The following SNX7 variants were observed in gnomAD, a reference collection of about 807,000 sequenced individuals.
SNX7 encodes the protein sorting nexin-7.
In SNX7, 35 loss-of-function variants were observed where a neutral mutation model predicts 48.4. That is an observed-to-expected ratio of 0.72 (90% CI 0.55 to 0.96). SNX7 has a LOEUF of 0.96. Among genes scored for constraint, SNX7 ranks in the 40% least tolerant of loss-of-function variants. The pLI is 0.00. For synonymous variants in SNX7, 190 were observed against 190.2 expected (o/e 1.00, Z 0.01); for missense variants, 553 against 548.9 (o/e 1.01, Z -0.07).
chr1:98,741,665 A>G (rs1247492115), intron 8 of SNX7, among the ~76,000 whole-genome samples: 1 of 152,174 alleles, frequency 6.6e-6, no homozygotes, highest in African/African-American at 2.4e-5. Context: ...TACCCAAATA[A>G]TGAAAGAAAA....
chr1:98,708,130 C>G (rs1266318141), intron 7 of SNX7, among the ~76,000 whole-genome samples: 1 of 152,042 alleles, frequency 6.6e-6, no homozygotes, highest in East Asian at 1.9e-4. Context: ...TTTCTATATG[C>G]CTCATTTCCT....
At chr1:98,756,863 G>A (rs559882070) in intron 8 of SNX7, among the ~76,000 whole-genome samples, 7 of 152,066 alleles carry the variant, frequency 4.6e-5, no homozygotes, top group South Asian at 2.1e-4. Context: ...TTAGATATTC[G>A]TCCCCACCCA....
chr1:98,683,304 A>G (rs568572808), intron 1 of SNX7, among the ~76,000 whole-genome samples: 1 of 152,264 alleles, frequency 6.6e-6, no homozygotes, highest in African/African-American at 2.4e-5. Context: ...GCTTTGATGT[A>G]GGGTGGTTAT....
intron 8 of SNX7, among the ~76,000 whole-genome samples, chr1:98,756,964 G>A (rs1350120244): frequency 6.6e-6 from 1 of 152,006 alleles, no homozygotes; most frequent in Non-Finnish European, 1.5e-5. Flanking sequence ...TGTATGTCTT[G>A]GACCATCCCT....
chr1:98,723,791 G>GCT (rs2101011202), intron 7 of SNX7, among the ~76,000 whole-genome samples: 1 of 32,416 alleles, frequency 3.1e-5, no homozygotes, highest in Admixed American at 3.3e-4. Context: ...ATCCCGGGAG[G>GCT]CAGAGGTTGC....
chr1:98,713,174 G>C (rs754940332), intron 7 of SNX7, among the ~76,000 whole-genome samples: 14 of 151,184 alleles, frequency 9.3e-5, no homozygotes, highest in Middle Eastern at 3.4e-3. Flanking sequence ...ATCATAGTTA[G>C]ATCTTCTGGA....
chr1:98,674,333 A>T (rs140392833), intron 1 of SNX7, among the ~76,000 whole-genome samples: 2 of 152,280 alleles, frequency 1.3e-5, no homozygotes, highest in African/African-American at 2.4e-5. Context: ...GAAGTCTGAC[A>T]TCAAGAAGTC....
chr1:98,754,005 T>G (rs530354772), intron 8 of SNX7, among the ~76,000 whole-genome samples: 168 of 152,148 alleles, frequency 1.1e-3, no homozygotes, highest in Non-Finnish European at 2.1e-3. Context: ...ACTGCATATC[T>G]GCATATGATG....
At chr1:98,737,630 AT>A (rs1168437348) in intron 7 of SNX7, among the ~76,000 whole-genome samples, 1 of 152,192 alleles carries the variant, frequency 6.6e-6, no homozygotes, top group African/African-American at 2.4e-5. Flanking sequence ...AAGAGGGTAA[AT>A]ATTACACTAA....
chr1:98,745,886 T>C (rs1431686574), intron 8 of SNX7, among the ~76,000 whole-genome samples: 2 of 152,108 alleles, frequency 1.3e-5, no homozygotes, highest in African/African-American at 4.8e-5. Context: ...TGGCAACACA[T>C]TTAATAGAGT....
chr1:98,700,900 C>G (rs973204453), intron 6 of SNX7, among the ~76,000 whole-genome samples: 1 of 152,062 alleles, frequency 6.6e-6, no homozygotes, highest in African/African-American at 2.4e-5. Flanking sequence ...TCTTTTATGT[C>G]CTGTACTTCT....
intron 7 of SNX7, among the ~76,000 whole-genome samples, chr1:98,733,485 T>G (rs1653622109): frequency 6.6e-6 from 1 of 152,140 alleles, no homozygotes; most frequent in Admixed American, 6.6e-5. Context: ...GACCTGGCAT[T>G]GCCTGCCTCT....
intron 7 of SNX7, among the ~76,000 whole-genome samples, chr1:98,710,758 T>C (rs1187834035): frequency 2.0e-5 from 3 of 152,204 alleles, no homozygotes; most frequent in Non-Finnish European, 4.4e-5. Flanking sequence ...TATTTCATAA[T>C]GCTTAGAGCA....
At chr1:98,688,816 C>G (rs1650949640) in intron 2 of SNX7, among the ~76,000 whole-genome samples, 1 of 152,176 alleles carries the variant, frequency 6.6e-6, no homozygotes, top group African/African-American at 2.4e-5. Context: ...TTATGAAATA[C>G]ATGATATTTC....
intron 1 of SNX7, among the ~76,000 whole-genome samples, chr1:98,666,771 A>G (rs1649559586): frequency 6.6e-6 from 1 of 152,158 alleles, no homozygotes; most frequent in Non-Finnish European, 1.5e-5. Flanking sequence ...GCAACTTCCC[A>G]GGCTAGATCA....
chr1:98,698,649 G>C (rs1651583481), intron 5 of SNX7, 57 bp from the exon 6 acceptor site: 3 of 1,480,106 alleles, frequency 2.0e-6, no homozygotes, highest in Admixed American at 2.0e-5. Context: ...CTAGGATACA[G>C]GTATTTTGAA....
At chr1:98,696,223 A>C (rs1416416832) in intron 5 of SNX7, among the ~76,000 whole-genome samples, 2 of 151,500 alleles carry the variant, frequency 1.3e-5, no homozygotes, top group African/African-American at 4.9e-5. Context: ...TCTAATTCTA[A>C]TCACGTGATG....
chr1:98,739,108 A>G (rs913226632), intron 8 of SNX7, among the ~76,000 whole-genome samples: 1 of 152,238 alleles, frequency 6.6e-6, no homozygotes, highest in East Asian at 1.9e-4. Flanking sequence ...AAACTGCTCT[A>G]CCTCAGATCA....
At chr1:98,700,921 G>A (rs1651717200) in intron 6 of SNX7, among the ~76,000 whole-genome samples, 1 of 152,050 alleles carries the variant, frequency 6.6e-6, no homozygotes, top group Non-Finnish European at 1.5e-5. Flanking sequence ...CTAGCTGGTT[G>A]AATTGTTTGC....
Sources: gnomAD v4.1 joint callset for allele counts (sites outside exome capture counted in the v4.1 genomes callset) on GRCh38, gnomAD v4.1.1 for gene constraint, MANE v1.5 for transcripts, NCBI Gene and HGNC (gene_info 2026-07-23, HGNC 2026-07-21) for gene names.